Variants in RREB1 observed in about 807,000 individuals in gnomAD.
RREB1 encodes the protein ras-responsive element-binding protein 1.
A neutral mutation model predicts 117.8 loss-of-function variants in RREB1; 27 were observed. The observed-to-expected ratio is 0.23, with a 90% CI of 0.17 to 0.32. The LOEUF is 0.32. Ranked by LOEUF, RREB1 falls within the 10% of genes least tolerant of loss-of-function variation. The pLI, the probability that RREB1 is intolerant of heterozygous loss-of-function variation, is 1.00. For synonymous variants in RREB1, 1,298 were observed against 1,026.7 expected (o/e 1.26, Z -5.05); for missense variants, 2,577 against 2,378.2 (o/e 1.08, Z -1.74).
chr6:7,111,992 T>G (rs1214966112), intron 1 of RREB1, among the ~76,000 whole-genome samples: 1 of 152,224 alleles, frequency 6.6e-6, no homozygotes, highest in African/African-American at 2.4e-5. Flanking sequence ...ATGTAGTCTG[T>G]CCTGATAAGG....
In RREB1 at chr6:7,161,257, A is replaced by G. The variant is rs542305256; in HGVS notation, c.-284-15398A>G. 7.2e-5 allele frequency among the ~76,000 whole-genome samples: 11 copies of G among 152,194 alleles called. No homozygotes were observed. In the East Asian group the frequency reaches 1.7e-3, roughly 24 times the overall value. ...GACACGTCCCTCTATTGTTGGTTTC[A>G]TGGATTATTTCCCTCTATGAACTGA... is the stretch of plus-strand genomic sequence containing the variant. On this transcript the variant is annotated intron_variant, in intron 1 of 12. Coordinates refer to ENST00000379938, the MANE Select transcript of RREB1 (RefSeq NM_001003699.4).
intron 1 of RREB1, among the ~76,000 whole-genome samples, chr6:7,160,151 C>T (rs1763579124): frequency 6.6e-6 from 1 of 150,876 alleles, no homozygotes; most frequent in Non-Finnish European, 1.5e-5. Context: ...GACAGGTTTT[C>T]CCTCTGCCAC....
rs1284230817 is a variant in RREB1, at chr6:7,248,770, G to A, written c.5031G>A (p.Leu1677=). The A allele has an allele frequency of 3.1e-6, 5 of 1,613,946 alleles. No homozygotes were observed. The highest frequency in any genetic ancestry group is 4.2e-6 in the Non-Finnish European group (5 of 1,180,010). Residue 1677 remains leucine (L), a synonymous_variant, in exon 13 of 13, where the codon TTG becomes TTA. Transcript: ENST00000379938. The part of the protein sequence containing the change: ...MAVTRSRKEG[L]ASATKDCSHR... ...TCACCCGGAGCCGGAAGGAGGGCTT[G>A]GCCAGTGCCACCAAGGACTGCAGCC...
chr6:7,179,996 G>C (rs1434548409), intron 2 of RREB1, among the ~76,000 whole-genome samples: 1 of 152,068 alleles, frequency 6.6e-6, no homozygotes, highest in Non-Finnish European at 1.5e-5. Flanking sequence ...CTAGCATGGG[G>C]AAATGTCATG....
chr6:7,154,916 C>T (rs1055346455), intron 1 of RREB1, among the ~76,000 whole-genome samples: 5 of 152,104 alleles, frequency 3.3e-5, no homozygotes, highest in Admixed American at 6.5e-5. Context: ...GAGCTTCATT[C>T]GTTGGTGGTT....
chr6:7,217,831 CTA>C (rs1249101456), intron 8 of RREB1: 2 of 152,190 alleles, frequency 1.3e-5, no homozygotes, highest in Non-Finnish European at 2.9e-5. Flanking sequence ...TTGTGGCACT[CTA>C]TGGCTATCCC....
chr6:7,207,325 T>C (rs778957460), intron 6 of RREB1, among the ~76,000 whole-genome samples: 24 of 152,336 alleles, frequency 1.6e-4, no homozygotes, highest in Non-Finnish European at 2.4e-4. Context: ...CAGTCACTCA[T>C]TTCTACTCTC....
chr6:7,111,830 T>C (rs1439390015), intron 1 of RREB1, among the ~76,000 whole-genome samples: 1 of 152,262 alleles, frequency 6.6e-6, no homozygotes, highest in African/African-American at 2.4e-5. Flanking sequence ...GATTTGTGTG[T>C]ATAGTACCCT....
intron 1 of RREB1, among the ~76,000 whole-genome samples, chr6:7,117,596 A>G (rs1307514356): frequency 6.6e-6 from 1 of 151,242 alleles, no homozygotes; most frequent in Admixed American, 6.6e-5. Context: ...TTTAGTAGAG[A>G]TGGGGTTTCA....
At chr6:7,207,080 C>A (rs1367159366) in intron 6 of RREB1, among the ~76,000 whole-genome samples, 1 of 152,052 alleles carries the variant, frequency 6.6e-6, no homozygotes, top group African/African-American at 2.4e-5. Context: ...AATAAGAGAG[C>A]AAGAGGAAGA....
At chr6:7,246,036 T>TA (rs1020737469) in intron 11 of RREB1, among the ~76,000 whole-genome samples, 1 of 152,148 alleles carries the variant, frequency 6.6e-6, no homozygotes, top group African/African-American at 2.4e-5. Flanking sequence ...AAAAATAACT[T>TA]ATAACTCAAG....
chr6:7,141,156 C>T (rs2113385120), intron 1 of RREB1, among the ~76,000 whole-genome samples: 1 of 152,044 alleles, frequency 6.6e-6, no homozygotes, highest in South Asian at 2.1e-4. Flanking sequence ...AGGGCTCCCG[C>T]GGTGGGTGTC....
chr6:7,185,577 A>G (rs544614715), intron 4 of RREB1, among the ~76,000 whole-genome samples: 14 of 152,276 alleles, frequency 9.2e-5, no homozygotes, highest in African/African-American at 3.4e-4. Context: ...TTAAAAAAAA[A>G]AAGAAAAAGT....
At chr6:7,115,933 G>A (rs541186348) in intron 1 of RREB1, among the ~76,000 whole-genome samples, 4 of 152,260 alleles carry the variant, frequency 2.6e-5, no homozygotes, top group Admixed American at 2.0e-4. Flanking sequence ...TCAGTCACCA[G>A]GCCCTCTGCA....
chr6:7,229,750 A>C lies in RREB1; in HGVS notation c.1651A>C (p.Lys551Gln), dbSNP rs908093536. Residue 551 changes from lysine (K) to glutamine (Q), a missense_variant, in exon 10 of 13, where the codon AAA becomes CAA. Transcript: ENST00000379938. This position sits in a 1 kb window ranked among gnomAD's most constrained non-coding sequence, Gnocchi z 4.5. ...SLPPPPLKLL[K>Q]GSVEAASNAH... is the part of the protein sequence containing the mutation. ...GCCGCCACCGCCCCTGAAGCTCCTC[A>C]AAGGCTCAGTGGAGGCGGCCTCCAA... 1.2e-6 allele frequency: 2 copies of C among 1,604,152 alleles called. No individual in the cohort carries two copies. Among genetic ancestry groups the C allele is most frequent in the Non-Finnish European group, 1.7e-6 (2 of 1,173,432 alleles).
At chr6:7,122,991 G>T (rs188265439) in intron 1 of RREB1, among the ~76,000 whole-genome samples, 4 of 152,270 alleles carry the variant, frequency 2.6e-5, no homozygotes, top group African/African-American at 9.6e-5. Context: ...TCTCTGTTGG[G>T]TAATGTGTTT....
rs1222834947 is a variant in RREB1, at chr6:7,229,755, C to G, written c.1656C>G (p.Gly552=). Residue 552 remains glycine (G), a synonymous_variant, in exon 10 of 13, where the codon GGC becomes GGG. Transcript: ENST00000379938. This position sits in a 1 kb window ranked among gnomAD's most constrained non-coding sequence, Gnocchi z 4.5. The stretch of plus-strand genomic sequence containing the variant: ...CACCGCCCCTGAAGCTCCTCAAAGG[C>G]TCAGTGGAGGCGGCCTCCAACGCCC... ...LPPPPLKLLK[G]SVEAASNAHL... is the part of the protein sequence containing the mutation. The G allele has an allele frequency of 1.9e-6, 3 of 1,605,222 alleles. No individual in the cohort carries two copies. The highest frequency in any genetic ancestry group is 1.1e-5 in the South Asian group (1 of 90,550).
chr6:7,223,290 G>A (rs1419267785), intron 8 of RREB1, among the ~76,000 whole-genome samples: 5 of 145,862 alleles, frequency 3.4e-5, no homozygotes, highest in East Asian at 2.0e-4. Context: ...GGCCGGGCAC[G>A]ATGGCTCACG....
intron 1 of RREB1, among the ~76,000 whole-genome samples, chr6:7,152,667 A>G (rs1207405313): frequency 6.6e-6 from 1 of 152,204 alleles, no homozygotes; most frequent in African/African-American, 2.4e-5. Flanking sequence ...GGAGGGGCCT[A>G]TGAACTTGAG....
Sources: allele counts gnomAD v4.1 joint callset (sites outside exome capture counted in the v4.1 genomes callset), GRCh38; gene constraint gnomAD v4.1.1; non-coding constraint Gnocchi (gnomAD v3.1); transcripts MANE v1.5; gene names NCBI Gene and HGNC (gene_info 2026-07-23, HGNC 2026-07-21).